The following CALN1 variants were observed in gnomAD, a reference collection of about 807,000 sequenced individuals.
CALN1 encodes calcium-binding protein 8.
In CALN1, 17 loss-of-function variants were observed where a neutral mutation model predicts 30.6. That is an observed-to-expected ratio of 0.56 (90% CI 0.38 to 0.83). The LOEUF (loss-of-function observed/expected upper bound fraction) is 0.83, where lower values mean the gene tolerates loss of function less well. Among genes scored for constraint, CALN1 ranks in the 40% least tolerant of loss-of-function variants. The pLI, the probability that CALN1 is intolerant of heterozygous loss-of-function variation, is 0.00. For missense variants in CALN1, 291 were observed against 354.9 expected, an observed-to-expected ratio of 0.82 and a Z score of 1.45; for synonymous variants, 156 against 131.4, an observed-to-expected ratio of 1.19 and a Z score of -1.28.
chr7:72,117,970 G>C (rs199904790), intron 3 of CALN1, among the ~76,000 whole-genome samples: 2 of 130,632 alleles, frequency 1.5e-5, no homozygotes, highest in Non-Finnish European at 3.3e-5. Flanking sequence ...AAAAAAAAAA[G>C]AAAAAAAAAA....
intron 5 of CALN1, among the ~76,000 whole-genome samples, chr7:71,818,844 G>C (rs1447384021): frequency 1.3e-5 from 2 of 150,932 alleles, no homozygotes; most frequent in African/African-American, 4.9e-5. Context: ...CGAGTAGCTG[G>C]TATTACAGGT....
intron 2 of CALN1, among the ~76,000 whole-genome samples, chr7:72,298,136 T>A (rs576372247): frequency 1.3e-5 from 2 of 152,338 alleles, no homozygotes; most frequent in East Asian, 3.9e-4. Flanking sequence ...TCAATCTTTG[T>A]TAAAATGTCA....
At chr7:72,343,908 T>G (rs1487020532) in intron 2 of CALN1, among the ~76,000 whole-genome samples, 1 of 152,200 alleles carries the variant, frequency 6.6e-6, no homozygotes, top group Non-Finnish European at 1.5e-5. Flanking sequence ...GTAATATCCT[T>G]TGTTAAGGCC....
chr7:72,229,160 G>GA (rs770876892), intron 3 of CALN1, among the ~76,000 whole-genome samples: 8 of 151,966 alleles, frequency 5.3e-5, no homozygotes, highest in East Asian at 1.9e-4. Flanking sequence ...GTGGGAGGCA[G>GA]AAAAAAGCCT....
intron 5 of CALN1, among the ~76,000 whole-genome samples, chr7:72,012,700 G>A (rs1279676256): frequency 6.6e-6 from 1 of 152,224 alleles, no homozygotes; most frequent in Non-Finnish European, 1.5e-5. Context: ...GGGTCATACA[G>A]TGGCTTTGGG....
At chr7:72,245,596 C>A (rs1250264919) in intron 3 of CALN1, among the ~76,000 whole-genome samples, 1 of 150,818 alleles carries the variant, frequency 6.6e-6, no homozygotes, top group Non-Finnish European at 1.5e-5. Context: ...CCAGCCTGGG[C>A]AACAAGAATG....
chr7:72,419,652 T>C (rs1807545634), intron 1 of CALN1, among the ~76,000 whole-genome samples: 1 of 152,150 alleles, frequency 6.6e-6, no homozygotes, highest in Non-Finnish European at 1.5e-5. Flanking sequence ...GCCCAATTTT[T>C]CTGCCCAAAT....
At chr7:72,494,567 T>A in the CALN1 span, among the ~76,000 whole-genome samples, 1 of 152,106 alleles carries the variant, frequency 6.6e-6, no homozygotes, top group Non-Finnish European at 1.5e-5. Context: ...AGAACACATG[T>A]CTCGGGTACC....
chr7:72,025,261 G>A (rs1800982029), intron 4 of CALN1, among the ~76,000 whole-genome samples: 1 of 152,110 alleles, frequency 6.6e-6, no homozygotes, highest in South Asian at 2.1e-4. Flanking sequence ...AGTGAGCCAA[G>A]ATCGCACTGC....
At chr7:72,036,586 GATT>G (rs1224362967) in intron 4 of CALN1, among the ~76,000 whole-genome samples, 3 of 151,988 alleles carry the variant, frequency 2.0e-5, no homozygotes, top group Non-Finnish European at 2.9e-5. Context: ...CAAGTTTACT[GATT>G]GTTCCTTCTG....
chr7:72,220,966 G>A (rs922067777), intron 3 of CALN1, among the ~76,000 whole-genome samples: 2 of 150,750 alleles, frequency 1.3e-5, no homozygotes, highest in African/African-American at 4.8e-5. Flanking sequence ...TGAGTAGGTT[G>A]CAAAAATTTT....
At chr7:71,846,971 TATATACAC>T (rs1790300474) in intron 5 of CALN1, among the ~76,000 whole-genome samples, 2 of 147,944 alleles carry the variant, frequency 1.4e-5, no homozygotes, top group Non-Finnish European at 1.5e-5. Flanking sequence ...TATACACACA[TATATACAC>T]ATATACACAC....
At chr7:72,313,497 C>A (rs905282211) in intron 2 of CALN1, among the ~76,000 whole-genome samples, 1 of 152,064 alleles carries the variant, frequency 6.6e-6, no homozygotes, top group Non-Finnish European at 1.5e-5. Flanking sequence ...GCTCAAGCGA[C>A]AGCTCCCAAC....
chr7:72,013,552 T>C (rs1193115152), intron 5 of CALN1, among the ~76,000 whole-genome samples: 1 of 152,166 alleles, frequency 6.6e-6, no homozygotes, highest in South Asian at 2.1e-4. Flanking sequence ...ATGCCCAGAC[T>C]AATTTGAGAT....
At chr7:72,083,236 G>A (rs1027581324) in intron 4 of CALN1, among the ~76,000 whole-genome samples, 1 of 152,100 alleles carries the variant, frequency 6.6e-6, no homozygotes, top group Non-Finnish European at 1.5e-5. Context: ...TGATATGCAA[G>A]AGAAAATTTC....
At chr7:71,987,922 C>A (rs1450903892) in intron 5 of CALN1, among the ~76,000 whole-genome samples, 2 of 152,066 alleles carry the variant, frequency 1.3e-5, no homozygotes, top group Non-Finnish European at 2.9e-5. Context: ...GGGAATGAGA[C>A]CTCACTCCTC....
intron 2 of CALN1, among the ~76,000 whole-genome samples, chr7:72,331,231 T>C (rs1801652483): frequency 6.6e-6 from 1 of 151,834 alleles, no homozygotes; most frequent in Admixed American, 6.6e-5. Flanking sequence ...GAGCCCATAA[T>C]CCCAGCTACT....
intron 3 of CALN1, among the ~76,000 whole-genome samples, chr7:72,234,478 G>A (rs950257693): frequency 7.9e-5 from 12 of 151,624 alleles, no homozygotes; most frequent in Non-Finnish European, 1.2e-4. Context: ...ATGGAGTCTC[G>A]CTCTGTCACC....
intron 4 of CALN1, among the ~76,000 whole-genome samples, chr7:72,094,567 T>A (rs1318557110): frequency 2.0e-5 from 3 of 152,174 alleles, no homozygotes; most frequent in African/African-American, 7.2e-5. Flanking sequence ...AATTTTTTTT[T>A]AATATATTGG....
Sources: allele counts gnomAD v4.1 joint callset (sites outside exome capture counted in the v4.1 genomes callset), GRCh38; gene constraint gnomAD v4.1.1; transcripts MANE v1.5; gene names NCBI Gene and HGNC (gene_info 2026-07-23, HGNC 2026-07-21).